The following NELL1 variants were observed in gnomAD, a reference collection of about 807,000 sequenced individuals.
The protein encoded by NELL1 is protein kinase C-binding protein NELL1.
In NELL1, 76 loss-of-function variants were observed where a neutral mutation model predicts 107.4. The ratio of observed to expected loss-of-function variants is 0.71; its 90% CI spans 0.59 to 0.86. The LOEUF (loss-of-function observed/expected upper bound fraction) is 0.86, where lower values mean the gene tolerates loss of function less well. Ranked by LOEUF, NELL1 falls within the 40% of genes least tolerant of loss-of-function variation. NELL1 has a pLI of 0.00. For synonymous variants in NELL1, 353 were observed against 341.2 expected (o/e 1.03, Z -0.38); for missense variants, 1,024 against 1,005.5 (o/e 1.02, Z -0.25).
chr11:20,858,235 C>T (rs1018037778), intron 4 of NELL1, among the ~76,000 whole-genome samples: 1 of 152,164 alleles, frequency 6.6e-6, no homozygotes, highest in Non-Finnish European at 1.5e-5. Flanking sequence ...GACCCTGAGC[C>T]ATCACCGTTT....
At chr11:20,755,538 T>TTTTTTTTTTTATTTTTTTTA (rs1856244099) in intron 2 of NELL1, among the ~76,000 whole-genome samples, 1 of 40,424 alleles carries the variant, frequency 2.5e-5, no homozygotes, top group African/African-American at 7.8e-5. Context: ...GTGTGGGTTT[T>TTTTTTTTTTTATTTTTTTTA]TGTTTTTTTT....
chr11:20,812,688 A>G (rs554455080), intron 3 of NELL1, among the ~76,000 whole-genome samples: 1 of 152,284 alleles, frequency 6.6e-6, no homozygotes, highest in Admixed American at 6.5e-5. Flanking sequence ...GGTTTGGATT[A>G]GGTACTCTTC....
chr11:21,446,864 A>G (rs1409115805), intron 15 of NELL1, among the ~76,000 whole-genome samples: 1 of 152,210 alleles, frequency 6.6e-6, no homozygotes, highest in African/African-American at 2.4e-5. Context: ...CAGGGTGATG[A>G]GTTCTACCAT....
At chr11:21,559,376 T>C (rs2133999965) in intron 16 of NELL1, among the ~76,000 whole-genome samples, 1 of 152,200 alleles carries the variant, frequency 6.6e-6, no homozygotes, top group Non-Finnish European at 1.5e-5. Flanking sequence ...ATGGATTGCC[T>C]TTTGGGGAAG....
chr11:21,347,738 A>G (rs1186802843), intron 14 of NELL1, among the ~76,000 whole-genome samples: 5 of 152,360 alleles, frequency 3.3e-5, no homozygotes, highest in East Asian at 3.9e-4. Flanking sequence ...CATTATTATT[A>G]GTAAGAATTT....
intron 12 of NELL1, among the ~76,000 whole-genome samples, chr11:21,013,638 G>C (rs569508698): frequency 6.6e-6 from 1 of 152,186 alleles, no homozygotes; most frequent in African/African-American, 2.4e-5. Flanking sequence ...CAGAAAAATT[G>C]TGAAGATGTG....
At chr11:20,773,359 C>T (rs1382667412) in intron 2 of NELL1, among the ~76,000 whole-genome samples, 1 of 152,066 alleles carries the variant, frequency 6.6e-6, no homozygotes, top group African/African-American at 2.4e-5. Context: ...TTAACATGTA[C>T]TTATTGATTT....
At chr11:20,800,265 C>T (rs1857256564) in intron 3 of NELL1, among the ~76,000 whole-genome samples, 1 of 152,292 alleles carries the variant, frequency 6.6e-6, no homozygotes, top group South Asian at 2.1e-4. Context: ...TTTGAGAAAT[C>T]TCCAAAATGC....
chr11:21,549,722 G>A (rs1591027260), intron 16 of NELL1, among the ~76,000 whole-genome samples: 1 of 151,814 alleles, frequency 6.6e-6, no homozygotes, highest in African/African-American at 2.4e-5. Context: ...GGCACCCTGA[G>A]TGGCATTAAA....
At chr11:20,971,800 A>G (rs938097141) in intron 12 of NELL1, among the ~76,000 whole-genome samples, 1 of 152,196 alleles carries the variant, frequency 6.6e-6, no homozygotes, top group African/African-American at 2.4e-5. Flanking sequence ...AAGAATTGCT[A>G]TAAAGAAAAT....
intron 3 of NELL1, among the ~76,000 whole-genome samples, chr11:20,816,770 G>A (rs1857632426): frequency 6.6e-6 from 1 of 152,148 alleles, no homozygotes; most frequent in Non-Finnish European, 1.5e-5. Context: ...GTTGTTGGCT[G>A]TTGGTTTGTC....
chr11:21,207,119 C>T (rs1348249131), intron 13 of NELL1, among the ~76,000 whole-genome samples: 2 of 152,182 alleles, frequency 1.3e-5, no homozygotes, highest in East Asian at 3.9e-4. Flanking sequence ...TTAAGCTCTT[C>T]ATTAATTTTG....
chr11:20,765,081 C>A (rs1283012968), intron 2 of NELL1, among the ~76,000 whole-genome samples: 1 of 151,892 alleles, frequency 6.6e-6, no homozygotes, highest in Non-Finnish European at 1.5e-5. Context: ...TTGCTTAATC[C>A]CAGGAGTTCA....
chr11:21,161,172 A>G (rs11025951), intron 13 of NELL1, among the ~76,000 whole-genome samples: 13,190 of 152,220 alleles, frequency 0.087, 586 homozygotes, highest in African/African-American at 0.11. Flanking sequence ...ACCCTCTGTG[A>G]TCAAAGAATC....
At chr11:20,997,027 A>T (rs1181587439) in intron 12 of NELL1, among the ~76,000 whole-genome samples, 2 of 152,204 alleles carry the variant, frequency 1.3e-5, no homozygotes, top group Non-Finnish European at 2.9e-5. Flanking sequence ...CTTTTGCAAA[A>T]AAACTTTATC....
chr11:21,055,131 C>T (rs906544107), intron 12 of NELL1, among the ~76,000 whole-genome samples: 3 of 151,872 alleles, frequency 2.0e-5, no homozygotes, highest in African/African-American at 7.2e-5. Flanking sequence ...ATTAAATAAT[C>T]CTAATTTTAT....
intron 15 of NELL1, among the ~76,000 whole-genome samples, chr11:21,378,265 GTA>G (rs5790180): frequency 0.34 from 49,215 of 143,518 alleles, 8,430 homozygotes; most frequent in Middle Eastern, 0.47. Context: ...GCATATATAT[GTA>G]TATATATATA....
At chr11:21,005,477 G>A (rs543558130) in intron 12 of NELL1, among the ~76,000 whole-genome samples, 15 of 152,248 alleles carry the variant, frequency 9.9e-5, no homozygotes, top group African/African-American at 3.6e-4. Flanking sequence ...CCAGACTGGT[G>A]GCATTTAGAG....
intron 11 of NELL1, among the ~76,000 whole-genome samples, chr11:20,958,106 GA>G (rs1228513024): frequency 6.6e-6 from 1 of 152,028 alleles, no homozygotes; most frequent in African/African-American, 2.4e-5. Flanking sequence ...GATTAAAACT[GA>G]AAAATACAAA....
Sources: gnomAD v4.1 joint callset for allele counts (sites outside exome capture counted in the v4.1 genomes callset) on GRCh38, gnomAD v4.1.1 for gene constraint, MANE v1.5 for transcripts, NCBI Gene and HGNC (gene_info 2026-07-23, HGNC 2026-07-21) for gene names.